IQCH: variants seen among roughly 807,000 people sequenced by gnomAD.
The protein encoded by IQCH is IQ motif containing H.
A neutral mutation model predicts 117.0 loss-of-function variants in IQCH; 98 were observed. The ratio of observed to expected loss-of-function variants is 0.84; its 90% CI spans 0.71 to 0.99. The LOEUF (loss-of-function observed/expected upper bound fraction) is 0.99. IQCH is among the 50% of genes least tolerant of loss of function. The pLI is 0.00. For synonymous variants in IQCH, 412 were observed against 448.2 expected, an observed-to-expected ratio of 0.92 and a Z score of 1.02; for missense variants, 1,102 against 1,243.8, an observed-to-expected ratio of 0.89 and a Z score of 1.72.
intron 3 of IQCH, among the ~76,000 whole-genome samples, chr15:67,267,759 T>G (rs1159439514): frequency 6.6e-6 from 1 of 152,174 alleles, no homozygotes; most frequent in Non-Finnish European, 1.5e-5. Flanking sequence ...AGAATCAACA[T>G]TGTTTAGATA....
intron 18 of IQCH, among the ~76,000 whole-genome samples, chr15:67,488,666 G>A (rs1028423099): frequency 3.3e-5 from 5 of 152,238 alleles, no homozygotes; most frequent in Non-Finnish European, 5.9e-5. Flanking sequence ...CGTGGAGGTG[G>A]GTAGAGGGAG....
Position 67,386,952 on chromosome 15 carries a change from C to T in IQCH, c.1457-1879C>T, listed in dbSNP as rs952961178. ...ACATGATTCCTTTTATCATTTGTAACCTAGAAATTTTCTTCCCAAGAAAAA... is the reference window on the plus strand; with the variant it reads ...ACATGATTCCTTTTATCATTTGTAATCTAGAAATTTTCTTCCCAAGAAAAA... On this transcript the variant is annotated intron_variant, in intron 11 of 20. Transcript: ENST00000335894. The surrounding 1 kb of genome is among the most constrained non-coding windows in gnomAD (Gnocchi z 5.0). Among the ~76,000 whole-genome samples the T allele has an allele frequency of 2.6e-5, 4 of 152,144 alleles. No individual in the cohort carries two copies. The South Asian group carries it at 8.3e-4, about 32-fold the overall frequency.
chr15:67,435,548 C>T (rs2082117598), intron 16 of IQCH, among the ~76,000 whole-genome samples: 1 of 152,000 alleles, frequency 6.6e-6, no homozygotes, highest in Non-Finnish European at 1.5e-5. Flanking sequence ...TGCACCACTG[C>T]ACTCCAGCCT....
chr15:67,468,615 G>C (rs967078257), intron 17 of IQCH, among the ~76,000 whole-genome samples: 1 of 152,208 alleles, frequency 6.6e-6, no homozygotes, highest in Non-Finnish European at 1.5e-5. Flanking sequence ...GTGGATGCCT[G>C]CTTCGTAACT....
At position 67,497,549 on chromosome 15, in the gene IQCH, A is replaced by G. The variant is rs544430125; in HGVS notation, c.2971-3084A>G. On this transcript the variant is annotated intron_variant, in intron 20 of 20. Transcript: ENST00000335894. Reference sequence around the variant, plus strand: ...CACTCTGTCGCCCAGGTTGGAGTGCATTGATGCAATCTCGGCTCACTGCAA... The same window carrying G: ...CACTCTGTCGCCCAGGTTGGAGTGCGTTGATGCAATCTCGGCTCACTGCAA... Among the ~76,000 whole-genome samples the G allele has an allele frequency of 1.6e-3, 245 of 152,158 alleles. 1 individual carries two copies. Among genetic ancestry groups the G allele is most frequent in the African/African-American group, 5.5e-3 (229 of 41,490 alleles).
chr15:67,309,110 C>T (rs1020359), intron 4 of IQCH, among the ~76,000 whole-genome samples: 1 of 151,986 alleles, frequency 6.6e-6, no homozygotes, highest in Non-Finnish European at 1.5e-5. Context: ...TGTAAAATGT[C>T]CACAATAAAA....
chr15:67,344,064 G>A lies in IQCH; in HGVS notation c.510G>A (p.Gly170=), dbSNP rs373313138. 23 of 1,610,970 alleles carry A rather than the reference G, an allele frequency of 1.4e-5. No individual in the cohort carries two copies. In the South Asian group the frequency reaches 2.3e-4, roughly 16 times the overall value. ...IPVLQADAHK[G]ILSMIERGLI... is the part of the protein sequence containing the mutation. ...CATTTTATTAATGTTTCTTTTTAGG[G>A]ATTTTAAGTATGATAGAACGAGGGC... Residue 170 remains glycine, a splice_region_variant and synonymous_variant, in exon 6 of 21, where the codon GGG becomes GGA. Transcript: ENST00000335894.
At chr15:67,486,218 T>A (rs970352966) in intron 18 of IQCH, among the ~76,000 whole-genome samples, 3 of 151,410 alleles carry the variant, frequency 2.0e-5, no homozygotes, top group South Asian at 2.1e-4. Context: ...TTTTGTATTT[T>A]TAATAGAGAC....
At chr15:67,296,278 G>A (rs1302747525) in intron 4 of IQCH, among the ~76,000 whole-genome samples, 1 of 152,172 alleles carries the variant, frequency 6.6e-6, no homozygotes, top group African/African-American at 2.4e-5. Flanking sequence ...ATAAAAGTGT[G>A]ACCAGAAGAC....
rs187126633 is a variant in IQCH at position 67,314,260 on chromosome 15, A to G, written c.388-22715A>G. Among the ~76,000 whole-genome samples the G allele has an allele frequency of 2.0e-5, 3 of 152,102 alleles. No homozygotes were observed. In the East Asian group the frequency reaches 5.8e-4, roughly 29 times the overall value. On this transcript the variant is annotated intron_variant, in intron 4 of 20. Transcript: ENST00000335894. Reference sequence around the variant, plus strand: ...AAAGGATAGAGAGTAGGAATGGTTGATTCCTCACACTTTCTGACCCCCATC... The same window carrying G: ...AAAGGATAGAGAGTAGGAATGGTTGGTTCCTCACACTTTCTGACCCCCATC...
chr15:67,494,856 G>A lies in IQCH; in HGVS notation c.2970+490G>A, dbSNP rs1046338642. ...TGTATGTGGGCCATCTACCCCACCC[G>A]TTTCTCCACCGTGGGTTGGATTATT... On this transcript the variant is annotated intron_variant, in intron 20 of 20. Transcript: ENST00000335894. The surrounding 1 kb of genome is among the most constrained non-coding windows in gnomAD (Gnocchi z 5.5). Among the ~76,000 whole-genome samples the A allele has an allele frequency of 6.6e-6, 1 of 152,148 alleles. No homozygotes were observed. The highest frequency in any genetic ancestry group is 1.5e-5 in the Non-Finnish European group (1 of 68,038).
At chr15:67,286,409 T>C (rs1027377690) in intron 4 of IQCH, among the ~76,000 whole-genome samples, 2 of 152,120 alleles carry the variant, frequency 1.3e-5, no homozygotes, top group Admixed American at 6.5e-5. Context: ...ATTTCCAATT[T>C]GGATGCCCTT....
chr15:67,314,484 GAA>G (rs11343033), intron 4 of IQCH, among the ~76,000 whole-genome samples: 1,439 of 136,180 alleles, frequency 0.011, 10 homozygotes, highest in Non-Finnish European at 0.015. Context: ...TGTGCTAAAT[GAA>G]AAAAAAAAAA....
At chr15:67,348,051 T>A (rs1364821610) in intron 6 of IQCH, among the ~76,000 whole-genome samples, 1 of 151,336 alleles carries the variant, frequency 6.6e-6, no homozygotes, top group Non-Finnish European at 1.5e-5. Flanking sequence ...CATCTCAATT[T>A]AAAAAAAATC....
Position 67,473,425 on chromosome 15 carries a change from C to T in IQCH, c.2677-2271C>T, listed in dbSNP as rs2083122163. 6.6e-6 allele frequency among the ~76,000 whole-genome samples: 1 copy of T among 152,244 alleles called. No homozygotes were observed. Among genetic ancestry groups the T allele is most frequent in the South Asian group, 2.1e-4 (1 of 4,832 alleles). On this transcript the variant is annotated intron_variant, in intron 17 of 20. Transcript: ENST00000335894. The surrounding 1 kb of genome is among the most constrained non-coding windows in gnomAD (Gnocchi z 4.9). ...CCACCAGAGCCATGCTGTCCTCCAG[C>T]AGGCAAGGCCCGGAGCAACTGCCCT...
At position 67,404,690 on chromosome 15, in the gene IQCH, AATT is replaced by A. The variant is rs1971816371; in HGVS notation, c.2097+4390_2097+4392del. ...TTCCATGTTTATACATAGTCGTCAC[AATT>A]ATTAGATGCATAATATTCTCTCATA... On this transcript the variant is annotated intron_variant, in intron 14 of 20. Transcript: ENST00000335894. The surrounding 1 kb of genome is among the most constrained non-coding windows in gnomAD (Gnocchi z 4.6). 6.6e-6 allele frequency: 1 copy of A among 152,228 alleles called. No individual in the cohort carries two copies. The highest frequency in any genetic ancestry group is 1.5e-5 in the Non-Finnish European group (1 of 68,038). The allele number at this position is 152,228 out of a possible 1,614,324, so 9.4% of individuals were successfully genotyped here.
intron 20 of IQCH, among the ~76,000 whole-genome samples, chr15:67,497,319 G>A (rs2083845273): frequency 6.6e-6 from 1 of 150,972 alleles, no homozygotes; most frequent in African/African-American, 2.4e-5. Flanking sequence ...GTAAGACCTA[G>A]TCTCAAAAAA....
Position 67,387,156 on chromosome 15 carries a change from T to C in IQCH, c.1457-1675T>C, listed in dbSNP as rs1341984743. ...ATGACTAATTTGATGATTCAGCAAT[T>C]GGATGCAAGTTATTTACTTACTGCC... is the stretch of plus-strand genomic sequence containing the variant. On this transcript the variant is annotated intron_variant, in intron 11 of 20. Transcript: ENST00000335894. The surrounding 1 kb of genome is among the most constrained non-coding windows in gnomAD (Gnocchi z 4.8). Among the ~76,000 whole-genome samples, 1 of 152,186 alleles carries C rather than the reference T, an allele frequency of 6.6e-6. No individual in the cohort carries two copies. The highest frequency in any genetic ancestry group is 1.5e-5 in the Non-Finnish European group (1 of 68,036).
intron 8 of IQCH, among the ~76,000 whole-genome samples, chr15:67,360,571 G>A (rs8042258): frequency 1 from 151,691 of 152,380 alleles, 75,510 homozygotes; most frequent in Middle Eastern, 1. Flanking sequence ...CTTCCTTCAC[G>A]TAGAGTTGCT....
Sources: gnomAD v4.1 joint callset for allele counts (sites outside exome capture counted in the v4.1 genomes callset) on GRCh38, gnomAD v4.1.1 for gene constraint, Gnocchi (gnomAD v3.1) non-coding constraint, MANE v1.5 for transcripts, NCBI Gene and HGNC (gene_info 2026-07-23, HGNC 2026-07-21) for gene names.